ZNF638: variants seen among roughly 807,000 people sequenced by gnomAD.
ZNF638 encodes the protein zinc finger protein 638, also known as CTCL tumor antigen se33-1.
In ZNF638, 46 loss-of-function variants were observed where a neutral mutation model predicts 195.6. That is an observed-to-expected ratio of 0.24 (90% confidence interval 0.19 to 0.30). The LOEUF is 0.30. Ranked by LOEUF, ZNF638 falls within the 10% of genes least tolerant of loss-of-function variation. The pLI is 1.00. For missense variants in ZNF638, 2,440 were observed against 2,325.3 expected, an observed-to-expected ratio of 1.05 and a Z score of -1.01; for synonymous variants, 845 against 772.0, an observed-to-expected ratio of 1.09 and a Z score of -1.57.
chr2:71,388,488 C>T (rs976835756), intron 10 of ZNF638: 6 of 697,402 alleles, frequency 8.6e-6, no homozygotes, highest in African/African-American at 1.8e-5. Flanking sequence ...TAAATCTGTA[C>T]TAAATAAATA....
rs764107972 is a variant in ZNF638 at position 71,348,911 on chromosome 2, C to T, written c.-44C>T. ...AATGCCGTTGCCTCACATGGTTCAA[C>T]ACCACCTTATACTTTATTAAATCAG... On this transcript the variant is annotated 5_prime_UTR_variant, in exon 2 of 28. Transcript: ENST00000264447. 1 of 1,614,174 alleles carries T rather than the reference C, an allele frequency of 6.2e-7. No individual in the cohort carries two copies. Among genetic ancestry groups the T allele is most frequent in the South Asian group, 1.1e-5 (1 of 91,066 alleles).
intron 1 of ZNF638, among the ~76,000 whole-genome samples, chr2:71,342,768 G>T (rs748368171): frequency 2.0e-5 from 3 of 152,142 alleles, no homozygotes; most frequent in Non-Finnish European, 2.9e-5. Flanking sequence ...AACAGTAGCT[G>T]ACATATGGCA....
Position 71,370,063 on chromosome 2 carries a change from G to GTT in ZNF638, c.2265+60_2265+61dup. 1.2e-5 allele frequency: 18 copies of GTT among 1,554,156 alleles called. No individual in the cohort carries two copies. In the East Asian group the frequency reaches 4.1e-4, roughly 35 times the overall value. On this transcript the variant is annotated intron_variant, in intron 8 of 27. Transcript: ENST00000264447. Reference sequence around the variant, plus strand: ...ACTGTTGTTTTAGTTTAACTTTTTTGTTTAAGTATGGCACACATATAGAAA... The same window carrying GTT: ...ACTGTTGTTTTAGTTTAACTTTTTTGTTTTTAAGTATGGCACACATATAGAAA...
At chr2:71,410,130 C>T (rs1235682181) in intron 20 of ZNF638, among the ~76,000 whole-genome samples, 2 of 152,090 alleles carry the variant, frequency 1.3e-5, no homozygotes, top group African/African-American at 2.4e-5. Flanking sequence ...TATTTTGTTC[C>T]TCTGAAAGGT....
intron 2 of ZNF638, among the ~76,000 whole-genome samples, chr2:71,350,574 C>A (rs542294643): frequency 1.3e-5 from 2 of 152,142 alleles, no homozygotes; most frequent in African/African-American, 4.8e-5. Context: ...TGCGTACTTA[C>A]AAGACAATGT....
rs534741051 is a variant in ZNF638 at position 71,345,143 on chromosome 2, C to T, written c.-202-3610C>T. ...TTTAATTATTTTTAATTGTTAATCT[C>T]TTACTGTAGCTGATTTATAAATTAA... On this transcript the variant is annotated intron_variant, in intron 1 of 27. Coordinates refer to ENST00000264447, the MANE Select transcript of ZNF638 (RefSeq NM_014497.5). Among the ~76,000 whole-genome samples the T allele has an allele frequency of 7.2e-5, 11 of 152,218 alleles. No homozygotes were observed. The South Asian group carries it at 2.3e-3, about 32-fold the overall frequency.
intron 1 of ZNF638, among the ~76,000 whole-genome samples, chr2:71,342,619 A>G (rs1351479629): frequency 1.3e-5 from 2 of 152,220 alleles, no homozygotes; most frequent in African/African-American, 4.8e-5. Flanking sequence ...AGAAAAGTAC[A>G]TACGAGAAGT....
intron 3 of ZNF638, among the ~76,000 whole-genome samples, chr2:71,360,465 C>A (rs1032734090): frequency 1.3e-5 from 2 of 149,548 alleles, no homozygotes; most frequent in Non-Finnish European, 1.5e-5. Context: ...TTTTATAATT[C>A]TTCTTGTTTG....
At chr2:71,395,746 C>T (rs1243907582) in intron 10 of ZNF638, 3 of 388,976 alleles carry the variant, frequency 7.7e-6, no homozygotes, top group Non-Finnish European at 1.4e-5. Flanking sequence ...TAGCCGCACT[C>T]ATGCAAAATA....
intron 3 of ZNF638, among the ~76,000 whole-genome samples, chr2:71,361,200 A>G (rs1336112196): frequency 1.3e-5 from 2 of 152,184 alleles, no homozygotes; most frequent in African/African-American, 4.8e-5. Flanking sequence ...CGATCTGCCT[A>G]CCTCAGCCTC....
chr2:71,410,045 G>C (rs998391426), intron 20 of ZNF638, among the ~76,000 whole-genome samples: 1 of 152,078 alleles, frequency 6.6e-6, no homozygotes, highest in African/African-American at 2.4e-5. Flanking sequence ...TCTGTGCTTA[G>C]GCTATTTTTC....
At chr2:71,406,573 C>T (rs564398104) in intron 19 of ZNF638, among the ~76,000 whole-genome samples, 214 of 152,050 alleles carry the variant, frequency 1.4e-3, no homozygotes, top group Non-Finnish European at 2.8e-3. Context: ...TTTTAACTAT[C>T]TTTGTGGTCT....
intron 21 of ZNF638, among the ~76,000 whole-genome samples, chr2:71,419,263 A>T (rs897928608): frequency 6.6e-6 from 1 of 152,188 alleles, no homozygotes; most frequent in African/African-American, 2.4e-5. Flanking sequence ...TTGTTCCACC[A>T]GTTGATGACT....
chr2:71,387,146 A>G (rs1217415142), intron 10 of ZNF638, among the ~76,000 whole-genome samples: 1 of 152,200 alleles, frequency 6.6e-6, no homozygotes, highest in Non-Finnish European at 1.5e-5. Context: ...TTCTTTAAAG[A>G]AAACAATGAA....
Position 71,349,681 on chromosome 2 carries a change from C to G in ZNF638, c.727C>G (p.Gln243Glu). The change falls in exon 2 of 28, where the codon CAG becomes GAG. Residue 243 changes from glutamine (Q) to glutamate (E), a missense_variant. This residue lies in a region of ZNF638 where 305 missense variants were observed against 283.6 expected (regional missense o/e 1.08). Coordinates refer to ENST00000264447, the MANE Select transcript of ZNF638 (RefSeq NM_014497.5). ...IPTDEVENEFQSQQNISASVP... is the reference protein window; with the variant it reads ...IPTDEVENEFESQQNISASVP... Reference sequence around the variant, plus strand: ...AACTGATGAGGTCGAGAATGAATTTCAGTCACAGCAGAACATTTCTGCATC... The same window carrying G: ...AACTGATGAGGTCGAGAATGAATTTGAGTCACAGCAGAACATTTCTGCATC... 1 of 1,614,152 alleles carries G rather than the reference C, an allele frequency of 6.2e-7. No homozygotes were observed. The highest frequency in any genetic ancestry group is 8.5e-7 in the Non-Finnish European group (1 of 1,180,018).
At chr2:71,425,330 T>C (rs2080517216) in intron 23 of ZNF638, among the ~76,000 whole-genome samples, 1 of 152,136 alleles carries the variant, frequency 6.6e-6, no homozygotes, top group Non-Finnish European at 1.5e-5. Flanking sequence ...GGATTATGGC[T>C]ACTAAAGCAG....
At chr2:71,382,764 A>G (rs911157955) in intron 10 of ZNF638, among the ~76,000 whole-genome samples, 3 of 152,194 alleles carry the variant, frequency 2.0e-5, no homozygotes, top group African/African-American at 4.8e-5. Context: ...GTTTTAGAAA[A>G]TGAGAAGTTC....
chr2:71,338,985 T>C (rs945863711), intron 1 of ZNF638, among the ~76,000 whole-genome samples: 1 of 152,200 alleles, frequency 6.6e-6, no homozygotes, highest in African/African-American at 2.4e-5. Flanking sequence ...CTTCATCGTT[T>C]TCTGTATTAT....
chr2:71,407,456 T>TA, intron 19 of ZNF638: 1 of 152,378 alleles, frequency 6.6e-6, no homozygotes, highest in Admixed American at 6.5e-5. Context: ...CTTACCTTTG[T>TA]AGTCATATAT....
Sources: gnomAD v4.1 joint callset for allele counts (sites outside exome capture counted in the v4.1 genomes callset) on GRCh38, gnomAD v4.1.1 for gene constraint, gnomAD v4.1.1 regional missense constraint, MANE v1.5 for transcripts, NCBI Gene and HGNC (gene_info 2026-07-23, HGNC 2026-07-21) for gene names.